The following FAM3D variants were observed in gnomAD, a reference collection of about 807,000 sequenced individuals.
The protein encoded by FAM3D is FAM3 metabolism regulating signaling molecule D.
FAM3D carries 26 observed loss-of-function variants against 29.8 expected under a neutral mutation model. That is an observed-to-expected ratio of 0.87 (90% CI 0.64 to 1.21). The LOEUF (loss-of-function observed/expected upper bound fraction) is 1.21. Ranked by LOEUF, FAM3D falls within the 50% of genes most tolerant of loss-of-function variation. The pLI is 0.00. For missense variants in FAM3D, 253 were observed against 290.9 expected, an observed-to-expected ratio of 0.87 and a Z score of 0.95; for synonymous variants, 115 against 102.3, an observed-to-expected ratio of 1.12 and a Z score of -0.75.
intron 1 of FAM3D, among the ~76,000 whole-genome samples, chr3:58,657,093 TC>T (rs1399441657): frequency 5.3e-5 from 8 of 152,104 alleles, no homozygotes; most frequent in East Asian, 3.9e-4. Flanking sequence ...ATTACCAGCT[TC>T]TTTTTTCCAG....
At position 58,635,662 on chromosome 3, in the gene FAM3D, C is replaced by T. The variant is rs1205708547; in HGVS notation, c.585+632G>A. Among the ~76,000 whole-genome samples the T allele has an allele frequency of 1.3e-5, 2 of 152,248 alleles. No homozygotes were observed. Among genetic ancestry groups the T allele is most frequent in the East Asian group, 1.9e-4 (1 of 5,204 alleles). Reference sequence around the variant, plus strand: ...GCCGCCCCCGCCCACCGGCCTCCTGCGTTCTTCACTGCGTTCAAGTAATTT... The same window carrying T: ...GCCGCCCCCGCCCACCGGCCTCCTGTGTTCTTCACTGCGTTCAAGTAATTT... On this transcript the variant is annotated intron_variant, in intron 9 of 9. Transcript: ENST00000358781. The surrounding 1 kb of genome is among the most constrained non-coding windows in gnomAD (Gnocchi z 5.2).
rs1007445775 is a variant in FAM3D, at chr3:58,653,553, G to A, written c.121+121C>T. The A allele has an allele frequency of 1.7e-4, 158 of 934,372 alleles. No individual in the cohort carries two copies. In the East Asian group the frequency reaches 3.7e-3, roughly 22 times the overall value. 57.9% of individuals were successfully genotyped at this position (934,372 alleles called of 1,614,324 possible). ...TGCCCCCTCTCCCTGCAATTGCTGGGGTCCCAAAGGCAGCACAGCTTGTCA... is the reference window on the plus strand; with the variant it reads ...TGCCCCCTCTCCCTGCAATTGCTGGAGTCCCAAAGGCAGCACAGCTTGTCA... On this transcript the variant is annotated intron_variant, in intron 3 of 9. Coordinates refer to ENST00000358781, the MANE Select transcript of FAM3D (RefSeq NM_138805.3).
rs1263904744 is a variant in FAM3D, at chr3:58,634,386, A to G, written c.586-18T>C. The G allele has an allele frequency of 6.2e-7, 1 of 1,608,664 alleles. No individual in the cohort carries two copies. Among genetic ancestry groups the G allele is most frequent in the Non-Finnish European group, 8.5e-7 (1 of 1,176,010 alleles). Reference sequence around the variant, plus strand: ...TTTAAGAACTAGAGAGAGAGAAGACAGAGAAATATAGGCAGTGAGTGAGGC... The same window carrying G: ...TTTAAGAACTAGAGAGAGAGAAGACGGAGAAATATAGGCAGTGAGTGAGGC... On this transcript the variant is annotated intron_variant, in intron 9 of 9. Coordinates refer to ENST00000358781, the MANE Select transcript of FAM3D (RefSeq NM_138805.3). This position sits in a 1 kb window ranked among gnomAD's most constrained non-coding sequence, Gnocchi z 4.6.
Position 58,634,515 on chromosome 3 carries a change from G to T in FAM3D, c.586-147C>A. The T allele has an allele frequency of 1.5e-6, 1 of 655,656 alleles. No individual in the cohort carries two copies. The highest frequency in any genetic ancestry group is 2.6e-6 in the Non-Finnish European group (1 of 390,130). The allele number at this position is 655,656 out of a possible 1,614,324, so 40.6% of individuals were successfully genotyped here. A position where few individuals can be genotyped will look rare whatever the true frequency, so the allele number is the denominator to read the frequency against. ...GATGGGGAAACTGAGGCTCAGAGAG[G>T]GGATGCAACTTGCTCAAGATCTCAG... On this transcript the variant is annotated intron_variant, in intron 9 of 9. Coordinates refer to ENST00000358781, the MANE Select transcript of FAM3D (RefSeq NM_138805.3). The surrounding 1 kb of genome is among the most constrained non-coding windows in gnomAD (Gnocchi z 4.6).
At chr3:58,656,253 C>A (rs2066795467) in intron 1 of FAM3D, among the ~76,000 whole-genome samples, 1 of 152,184 alleles carries the variant, frequency 6.6e-6, no homozygotes, top group African/African-American at 2.4e-5. Flanking sequence ...TGCATTATCT[C>A]TTTAATCCTC....
At chr3:58,651,064 G>A (rs970145258) in intron 3 of FAM3D, among the ~76,000 whole-genome samples, 2 of 152,172 alleles carry the variant, frequency 1.3e-5, no homozygotes, top group African/African-American at 4.8e-5. Flanking sequence ...AGGCACAGGG[G>A]TTCTTAATCT....
intron 1 of FAM3D, among the ~76,000 whole-genome samples, chr3:58,664,677 G>C (rs2066996537): frequency 6.6e-6 from 1 of 152,258 alleles, no homozygotes; most frequent in Non-Finnish European, 1.5e-5. Context: ...AAAAAGGGCA[G>C]AACTGGGATT....
chr3:58,663,791 G>A (rs561119024), intron 1 of FAM3D, among the ~76,000 whole-genome samples: 200 of 152,298 alleles, frequency 1.3e-3, no homozygotes, highest in Non-Finnish European at 2.1e-3. Context: ...AAAGGTCCAA[G>A]GCCTTGGTTT....
chr3:58,652,822 C>T (rs1411420057), intron 3 of FAM3D, among the ~76,000 whole-genome samples: 5 of 151,868 alleles, frequency 3.3e-5, no homozygotes, highest in Non-Finnish European at 1.5e-5. Context: ...CCCACCCACT[C>T]AGCCATTCTT....
intron 1 of FAM3D, 72 bp from the exon 2 acceptor site, chr3:58,655,673 A>T (rs2066773807): frequency 8.0e-7 from 1 of 1,257,860 alleles, no homozygotes; most frequent in African/African-American, 1.5e-5. Flanking sequence ...AGATGAGGGA[A>T]AGGGACCTCT....
At chr3:58,653,570 A>G (rs1008272199) in intron 3 of FAM3D, 104 bp downstream of exon 3, 33 of 1,113,470 alleles carry the variant, frequency 3.0e-5, no homozygotes, top group Non-Finnish European at 3.6e-5. Flanking sequence ...AAGGCAGCAC[A>G]GCTTGTCATG....
At chr3:58,656,602 G>A (rs750462673) in intron 1 of FAM3D, among the ~76,000 whole-genome samples, 1 of 152,152 alleles carries the variant, frequency 6.6e-6, no homozygotes, top group Non-Finnish European at 1.5e-5. Context: ...AGGACAGGAG[G>A]TCTTTGGTCC....
At chr3:58,641,178 G>C (rs1213113641) in intron 6 of FAM3D, among the ~76,000 whole-genome samples, 2 of 152,208 alleles carry the variant, frequency 1.3e-5, no homozygotes, top group Non-Finnish European at 2.9e-5. Context: ...CCCCTTACAT[G>C]ATTTGTTGGG....
chr3:58,641,660 A>G (rs1053727598), intron 6 of FAM3D, among the ~76,000 whole-genome samples: 1 of 152,114 alleles, frequency 6.6e-6, no homozygotes, highest in Non-Finnish European at 1.5e-5. Flanking sequence ...GAGCCACTGC[A>G]CCCAGCCTGC....
chr3:58,658,308 T>A (rs2066863764), intron 1 of FAM3D, among the ~76,000 whole-genome samples: 2 of 152,170 alleles, frequency 1.3e-5, no homozygotes, highest in Non-Finnish European at 2.9e-5. Flanking sequence ...AAGGTTAGAA[T>A]GATTAAACCA....
chr3:58,650,784 C>G (rs942541061), intron 3 of FAM3D, among the ~76,000 whole-genome samples: 18 of 152,196 alleles, frequency 1.2e-4, no homozygotes, highest in African/African-American at 3.9e-4. Context: ...GTGGCGCGAT[C>G]TCGGCTCACT....
intron 5 of FAM3D, among the ~76,000 whole-genome samples, chr3:58,645,167 A>C (rs2066439492): frequency 6.6e-6 from 1 of 152,214 alleles, no homozygotes; most frequent in South Asian, 2.1e-4. Flanking sequence ...GAAGCCCAGC[A>C]ACTTGGCTGT....
At chr3:58,643,075 G>A (rs777973468) in intron 6 of FAM3D, among the ~76,000 whole-genome samples, 2 of 152,198 alleles carry the variant, frequency 1.3e-5, no homozygotes, top group African/African-American at 2.4e-5. Context: ...TGAACCACCC[G>A]GGGTCTGTCC....
At chr3:58,643,793 G>A (rs2066402205) in intron 5 of FAM3D, 73 bp from the exon 6 acceptor site, 1 of 1,424,360 alleles carries the variant, frequency 7.0e-7, no homozygotes, top group Non-Finnish European at 9.9e-7. Flanking sequence ...CCCAGCTGGG[G>A]AACTCCGTGA....
Sources: gnomAD v4.1 joint callset for allele counts (sites outside exome capture counted in the v4.1 genomes callset) on GRCh38, gnomAD v4.1.1 for gene constraint, Gnocchi (gnomAD v3.1) non-coding constraint, MANE v1.5 for transcripts, NCBI Gene and HGNC (gene_info 2026-07-23, HGNC 2026-07-21) for gene names.